Variants in B3GALT1 observed in about 807,000 individuals in gnomAD.
B3GALT1 encodes beta-1,3-galactosyltransferase 1, also known as UDP-Gal:betaGlcNAc beta 1,3-galactosyltransferase, polypeptide 1.
B3GALT1 carries 10 observed loss-of-function variants against 23.2 expected under a neutral mutation model. The ratio of observed to expected loss-of-function variants is 0.43; its 90% CI spans 0.27 to 0.73. The LOEUF (loss-of-function observed/expected upper bound fraction) is 0.73. B3GALT1 is among the 30% of genes least tolerant of loss of function. The pLI is 0.21. For synonymous variants in B3GALT1, 156 were observed against 141.5 expected, an observed-to-expected ratio of 1.10 and a Z score of -0.73; for missense variants, 299 against 405.4, an observed-to-expected ratio of 0.74 and a Z score of 2.25.
intron 2 of B3GALT1, among the ~76,000 whole-genome samples, chr2:167,621,087 T>TCC (rs1685248467): frequency 1.6e-5 from 1 of 64,448 alleles, no homozygotes; most frequent in Non-Finnish European, 2.8e-5. Flanking sequence ...TATTTTTCAG[T>TCC]TCTTTTTTTT....
At chr2:167,822,831 T>TA (rs1260507069) in intron 4 of B3GALT1, among the ~76,000 whole-genome samples, 3 of 152,186 alleles carry the variant, frequency 2.0e-5, no homozygotes, top group African/African-American at 4.8e-5. Flanking sequence ...GGGCACTTTT[T>TA]ACTAATCTTA....
intron 3 of B3GALT1, among the ~76,000 whole-genome samples, chr2:167,707,225 C>T (rs1686979114): frequency 6.6e-6 from 1 of 152,200 alleles, no homozygotes; most frequent in African/African-American, 2.4e-5. Context: ...GAGACAAACA[C>T]CCCTATTGAG....
At chr2:167,618,638 C>T (rs980024059) in intron 2 of B3GALT1, among the ~76,000 whole-genome samples, 1 of 151,966 alleles carries the variant, frequency 6.6e-6, no homozygotes, top group Non-Finnish European at 1.5e-5. Flanking sequence ...TAGTCTAGGT[C>T]AATTCAGCAT....
chr2:167,424,292 A>G (rs779743782), intron 1 of B3GALT1, among the ~76,000 whole-genome samples: 4 of 152,304 alleles, frequency 2.6e-5, no homozygotes, highest in Non-Finnish European at 4.4e-5. Flanking sequence ...GATAACTCTC[A>G]TGCTACAAAA....
At chr2:167,539,333 A>G (rs1683494409) in intron 2 of B3GALT1, among the ~76,000 whole-genome samples, 1 of 152,172 alleles carries the variant, frequency 6.6e-6, no homozygotes, top group Non-Finnish European at 1.5e-5. Context: ...TAAAAGAAGA[A>G]AAATGACACC....
chr2:167,858,740 A>G (rs1407995939), intron 4 of B3GALT1, among the ~76,000 whole-genome samples: 4 of 152,188 alleles, frequency 2.6e-5, no homozygotes, highest in Non-Finnish European at 4.4e-5. Flanking sequence ...ACATAAAATT[A>G]TGTTTGGCTA....
chr2:167,666,652 T>C (rs1465093371), intron 3 of B3GALT1, among the ~76,000 whole-genome samples: 1 of 152,172 alleles, frequency 6.6e-6, no homozygotes, highest in Non-Finnish European at 1.5e-5. Flanking sequence ...GGTGCATATA[T>C]ATTTGGGATA....
At chr2:167,380,914 T>C (rs547876717) in intron 1 of B3GALT1, among the ~76,000 whole-genome samples, 7 of 152,304 alleles carry the variant, frequency 4.6e-5, no homozygotes, top group African/African-American at 1.7e-4. Context: ...CTTTGACAAT[T>C]CTGGTGGATT....
At chr2:167,323,313 G>A (rs924828370) in intron 1 of B3GALT1, among the ~76,000 whole-genome samples, 10 of 152,008 alleles carry the variant, frequency 6.6e-5, no homozygotes, top group Admixed American at 2.6e-4. Flanking sequence ...TATCCTAAAC[G>A]CATGTCTGTG....
At chr2:167,862,848 T>G (rs919154502) in intron 4 of B3GALT1, 3 of 152,202 alleles carry the variant, frequency 2.0e-5, no homozygotes, top group African/African-American at 7.2e-5. Context: ...CCCCACTAAC[T>G]TCCTGAAAGA....
intron 3 of B3GALT1, among the ~76,000 whole-genome samples, chr2:167,655,121 A>G (rs565544871): frequency 4.6e-5 from 7 of 152,280 alleles, no homozygotes; most frequent in African/African-American, 1.4e-4. Context: ...TTTTTTTACT[A>G]TACTTAATGA....
At chr2:167,364,324 T>TCA (rs1221717973) in intron 1 of B3GALT1, among the ~76,000 whole-genome samples, 1 of 107,034 alleles carries the variant, frequency 9.3e-6, no homozygotes, top group Non-Finnish European at 2.1e-5. Flanking sequence ...CATACTGTTT[T>TCA]CATATATATA....
chr2:167,673,939 A>G (rs1180153404), intron 3 of B3GALT1, among the ~76,000 whole-genome samples: 2 of 152,126 alleles, frequency 1.3e-5, no homozygotes, highest in African/African-American at 4.8e-5. Context: ...AACATTAGCT[A>G]TGCATGATTA....
intron 1 of B3GALT1, among the ~76,000 whole-genome samples, chr2:167,441,021 T>C (rs141727601): frequency 0.013 from 2,007 of 152,358 alleles, 22 homozygotes; most frequent in Middle Eastern, 0.044. Flanking sequence ...TAGATTGATC[T>C]GTACTAGTTG....
chr2:167,677,655 A>G (rs1326115082), intron 3 of B3GALT1, among the ~76,000 whole-genome samples: 2 of 152,172 alleles, frequency 1.3e-5, no homozygotes, highest in Non-Finnish European at 2.9e-5. Context: ...GTGCCTCAGA[A>G]TGTCTCCTGC....
intron 2 of B3GALT1, among the ~76,000 whole-genome samples, chr2:167,503,992 TG>T (rs1699883190): frequency 6.6e-6 from 1 of 152,188 alleles, no homozygotes; most frequent in African/African-American, 2.4e-5. Flanking sequence ...TCTTCAGTGC[TG>T]GGTTGGTAAA....
At chr2:167,728,401 T>C (rs13427371) in intron 3 of B3GALT1, among the ~76,000 whole-genome samples, 4,692 of 151,996 alleles carry the variant, frequency 0.031, 242 homozygotes, top group African/African-American at 0.1. Context: ...AATAAATAAG[T>C]AAAGCTGCAC....
chr2:167,781,292 C>G (rs1464729254), intron 3 of B3GALT1, among the ~76,000 whole-genome samples: 4 of 152,114 alleles, frequency 2.6e-5, no homozygotes, highest in African/African-American at 9.7e-5. Context: ...GGATCCAGCA[C>G]AGCAAAGAAT....
chr2:167,331,747 G>T (rs891631941), intron 1 of B3GALT1, among the ~76,000 whole-genome samples: 6 of 152,156 alleles, frequency 3.9e-5, no homozygotes, highest in African/African-American at 1.4e-4. Flanking sequence ...GTGATTTGCA[G>T]GGATGGGGTG....
Sources: gnomAD v4.1 joint callset for allele counts (sites outside exome capture counted in the v4.1 genomes callset) on GRCh38, gnomAD v4.1.1 for gene constraint, MANE v1.5 for transcripts, NCBI Gene and HGNC (gene_info 2026-07-23, HGNC 2026-07-21) for gene names.